DLGAP1: variants seen among roughly 807,000 people sequenced by gnomAD.
DLGAP1 encodes the protein disks large-associated protein 1.
Under a neutral mutation model 90.8 loss-of-function variants are expected in DLGAP1, and 11 were observed. That is an observed-to-expected ratio of 0.12 (90% CI 0.08 to 0.20). DLGAP1 has a LOEUF of 0.20. Among genes scored for constraint, DLGAP1 ranks in the 10% least tolerant of loss-of-function variants. The pLI is 1.00. For missense variants in DLGAP1, 1,050 were observed against 1,333.8 expected (o/e 0.79, Z 3.31); for synonymous variants, 558 against 540.7 (o/e 1.03, Z -0.44).
intron 1 of DLGAP1, among the ~76,000 whole-genome samples, chr18:4,170,321 T>C (rs2077001329): frequency 1.3e-5 from 2 of 152,272 alleles, no homozygotes; most frequent in South Asian, 4.1e-4. Context: ...GGTTGAAAAC[T>C]TTCCAGTGGT....
At chr18:3,685,473 A>C (rs1598345832) in intron 7 of DLGAP1, among the ~76,000 whole-genome samples, 1 of 147,942 alleles carries the variant, frequency 6.8e-6, no homozygotes, top group African/African-American at 2.5e-5. Flanking sequence ...CTGAGGCAGG[A>C]GAATGGCGTG....
intron 3 of DLGAP1, among the ~76,000 whole-genome samples, chr18:3,980,786 A>T (rs1490673651): frequency 6.6e-6 from 1 of 152,198 alleles, no homozygotes; most frequent in Non-Finnish European, 1.5e-5. Context: ...GGTATACAAC[A>T]TGATGTTTTG....
intron 1 of DLGAP1, among the ~76,000 whole-genome samples, chr18:4,235,228 A>T (rs2078383474): frequency 6.6e-6 from 1 of 152,174 alleles, no homozygotes; most frequent in South Asian, 2.1e-4. Flanking sequence ...GGCCCACCAC[A>T]TAGTGGACAC....
intron 1 of DLGAP1, among the ~76,000 whole-genome samples, chr18:4,435,923 A>G (rs1243245702): frequency 6.6e-6 from 1 of 152,186 alleles, no homozygotes; most frequent in Non-Finnish European, 1.5e-5. Context: ...TAGGGACTCA[A>G]ACCTAAGCAG....
intron 12 of DLGAP1, among the ~76,000 whole-genome samples, chr18:3,500,358 C>T (rs1396570591): frequency 6.6e-6 from 1 of 152,068 alleles, no homozygotes; most frequent in East Asian, 1.9e-4. Flanking sequence ...TGAAAGGGTG[C>T]ACATAAAACT....
intron 7 of DLGAP1, among the ~76,000 whole-genome samples, chr18:3,699,042 C>CT (rs1178103672): frequency 5.3e-5 from 8 of 152,072 alleles, no homozygotes; most frequent in African/African-American, 1.9e-4. Context: ...ATCAATTCCT[C>CT]TAACCTTTTT....
intron 3 of DLGAP1, among the ~76,000 whole-genome samples, chr18:3,993,381 C>G (rs2074006701): frequency 6.6e-6 from 1 of 152,120 alleles, no homozygotes; most frequent in Non-Finnish European, 1.5e-5. Context: ...CAATTGCTTT[C>G]TTACAGAGTT....
In DLGAP1 at chr18:3,834,858, A is replaced by C. The variant is rs2068278790; in HGVS notation, c.958-20585T>G. ...AAATGTACGACCACTGGAGATCTGC[A>C]TTTTAGAATTTGTGTTGTCTTTACA... On this transcript the variant is annotated intron_variant, in intron 4 of 12. Coordinates refer to ENST00000315677, the MANE Select transcript of DLGAP1 (RefSeq NM_004746.4). Among the ~76,000 whole-genome samples, 5 of 152,218 alleles carry C rather than the reference A, an allele frequency of 3.3e-5. No individual in the cohort carries two copies. The South Asian group carries it at 1.0e-3, about 32-fold the overall frequency.
intron 7 of DLGAP1, among the ~76,000 whole-genome samples, chr18:3,642,912 C>T (rs554517521): frequency 5.3e-5 from 8 of 152,276 alleles, no homozygotes; most frequent in African/African-American, 1.9e-4. Context: ...AGCTACTCTT[C>T]GACACTTTCA....
At chr18:3,782,307 T>C (rs552971278) in intron 5 of DLGAP1, among the ~76,000 whole-genome samples, 1 of 152,260 alleles carries the variant, frequency 6.6e-6, no homozygotes, top group Non-Finnish European at 1.5e-5. Flanking sequence ...TGGCTAATTT[T>C]TGTATTTTTA....
chr18:3,557,709 T>C (rs1372994297), intron 9 of DLGAP1, among the ~76,000 whole-genome samples: 1 of 152,078 alleles, frequency 6.6e-6, no homozygotes. Context: ...TGATTTATAA[T>C]TTTAAAAATT....
chr18:3,694,994 C>T lies in DLGAP1; in HGVS notation c.1591+34141G>A, dbSNP rs372602001. On this transcript the variant is annotated intron_variant, in intron 7 of 12. Transcript: ENST00000315677. The stretch of plus-strand genomic sequence containing the variant: ...TTGTTCTGTCGCCCAGACTGGAGTG[C>T]GGTGGCGTGCTCTTGGCTCACTGCA... Among the ~76,000 whole-genome samples, 21 of 145,964 alleles carry T rather than the reference C, an allele frequency of 1.4e-4. 1 individual carries two copies. The highest frequency in any genetic ancestry group is 5.3e-4 in the African/African-American group (21 of 39,674).
chr18:3,731,971 G>A (rs1026493115), intron 6 of DLGAP1, among the ~76,000 whole-genome samples: 1 of 152,068 alleles, frequency 6.6e-6, no homozygotes, highest in East Asian at 1.9e-4. Context: ...GTTCACTTTT[G>A]TGCATTTCTT....
At chr18:3,546,765 A>G (rs543734015) in intron 9 of DLGAP1, among the ~76,000 whole-genome samples, 1 of 152,302 alleles carries the variant, frequency 6.6e-6, no homozygotes, top group East Asian at 1.9e-4. Context: ...TTAGTCAAAA[A>G]GAATTAAGGT....
rs189490223 is a variant in DLGAP1, at chr18:3,816,061, G to A, written c.958-1788C>T. ...ACTGCTTATCCATTAAAATAACATGGTACTTCATTATTAACATTTAACTGT... is the reference window on the plus strand; with the variant it reads ...ACTGCTTATCCATTAAAATAACATGATACTTCATTATTAACATTTAACTGT... On this transcript the variant is annotated intron_variant, in intron 4 of 12. Coordinates refer to ENST00000315677, the MANE Select transcript of DLGAP1 (RefSeq NM_004746.4). 3.6e-4 allele frequency among the ~76,000 whole-genome samples: 54 copies of A among 152,076 alleles called. 1 individual carries two copies. Among genetic ancestry groups the A allele is most frequent in the Non-Finnish European group, 5.9e-4 (40 of 67,994 alleles).
chr18:3,763,455 A>C (rs1406059104), intron 5 of DLGAP1, among the ~76,000 whole-genome samples: 1 of 152,062 alleles, frequency 6.6e-6, no homozygotes, highest in Non-Finnish European at 1.5e-5. Context: ...AATACTCTTT[A>C]ATAAACTCCC....
chr18:3,905,143 G>A (rs1027248118), intron 3 of DLGAP1, among the ~76,000 whole-genome samples: 65 of 151,580 alleles, frequency 4.3e-4, no homozygotes, highest in African/African-American at 1.3e-3. Context: ...TGAGTTGGGC[G>A]GATCACGAGG....
chr18:4,432,390 T>C (rs1266107692), intron 1 of DLGAP1, among the ~76,000 whole-genome samples: 1 of 152,124 alleles, frequency 6.6e-6, no homozygotes, highest in South Asian at 2.1e-4. Context: ...CTGATATTTG[T>C]TAATGTTTTC....
At chr18:4,368,670 CACACA>C (rs2081838361) in intron 1 of DLGAP1, among the ~76,000 whole-genome samples, 2 of 151,314 alleles carry the variant, frequency 1.3e-5, no homozygotes, top group African/African-American at 2.4e-5. Context: ...CACACACACA[CACACA>C]CACACACATC....
Sources: allele counts gnomAD v4.1 joint callset (sites outside exome capture counted in the v4.1 genomes callset), GRCh38; gene constraint gnomAD v4.1.1; transcripts MANE v1.5; gene names NCBI Gene and HGNC (gene_info 2026-07-23, HGNC 2026-07-21).